Variants in PIK3R5 observed in about 807,000 individuals in gnomAD.
PIK3R5 encodes phosphoinositide-3-kinase regulatory subunit 5.
In PIK3R5, 32 loss-of-function variants were observed where a neutral mutation model predicts 94.9. That is an observed-to-expected ratio of 0.34 (90% confidence interval 0.25 to 0.45). The LOEUF (loss-of-function observed/expected upper bound fraction) is 0.45, where lower values mean the gene tolerates loss of function less well. PIK3R5 is among the 20% of genes least tolerant of loss of function. PIK3R5 has a pLI of 1.00. For synonymous variants in PIK3R5, 443 were observed against 479.4 expected (o/e 0.92, Z 0.99); for missense variants, 853 against 1,144.6 (o/e 0.75, Z 3.68).
rs759531408 is a variant in PIK3R5 at position 8,888,914 on chromosome 17, C to G, written c.896-23G>C. 6.3e-7 allele frequency: 1 copy of G among 1,579,920 alleles called. No individual in the cohort carries two copies. The highest frequency in any genetic ancestry group is 1.1e-5 in the South Asian group (1 of 88,242). ...TGTCTGCAGGGAAGCAAGGCCAGCACTGTCTGGGCGTCTGGGCCCCGGATC... is the reference window on the plus strand; with the variant it reads ...TGTCTGCAGGGAAGCAAGGCCAGCAGTGTCTGGGCGTCTGGGCCCCGGATC... On this transcript the variant is annotated intron_variant, in intron 9 of 18. Transcript: ENST00000447110. This position sits in a 1 kb window ranked among gnomAD's most constrained non-coding sequence, Gnocchi z 7.8.
rs1260425276 is a variant in PIK3R5, at chr17:8,911,107, G to A, written c.103+285C>T. Among the ~76,000 whole-genome samples, 1 of 152,210 alleles carries A rather than the reference G, an allele frequency of 6.6e-6. No homozygotes were observed. The highest frequency in any genetic ancestry group is 1.9e-4 in the East Asian group (1 of 5,192). On this transcript the variant is annotated intron_variant, in intron 2 of 18. Coordinates refer to ENST00000447110, the MANE Select transcript of PIK3R5 (RefSeq NM_001142633.3). This position sits in a 1 kb window ranked among gnomAD's most constrained non-coding sequence, Gnocchi z 5.3. ...TGCTTTTTCAGAATCAGCAGTTGTG[G>A]TTTTCTAAGCAGATTCGATGGATTC...
intron 1 of PIK3R5, among the ~76,000 whole-genome samples, chr17:8,942,125 T>C (rs1378322786): frequency 6.6e-6 from 1 of 151,964 alleles, no homozygotes; most frequent in Non-Finnish European, 1.5e-5. Flanking sequence ...CTCCAGCTTC[T>C]CTCCCTTCCA....
chr17:8,934,620 G>C (rs1479661542), intron 1 of PIK3R5, among the ~76,000 whole-genome samples: 2 of 152,162 alleles, frequency 1.3e-5, no homozygotes, highest in Admixed American at 1.3e-4. Flanking sequence ...TTGGGAAAAG[G>C]ACAAAGTTGG....
intron 3 of PIK3R5, among the ~76,000 whole-genome samples, chr17:8,907,632 A>C (rs1274293350): frequency 6.6e-6 from 1 of 151,494 alleles, no homozygotes; most frequent in East Asian, 1.9e-4. Context: ...TTTTAACAAA[A>C]AAAAAAAAAA....
rs1384429683 is a variant in PIK3R5, at chr17:8,938,187, T to C, written c.-13-26680A>G. ...GAAACTTTTTTGTTTTGGAAGATTA[T>C]TGATTCAATTTATTTAATAGATATA... On this transcript the variant is annotated intron_variant, in intron 1 of 18. Transcript: ENST00000447110. Among the ~76,000 whole-genome samples, 6 of 152,346 alleles carry C rather than the reference T, an allele frequency of 3.9e-5. No individual in the cohort carries two copies. The East Asian group carries it at 1.2e-3, about 29-fold the overall frequency.
intron 1 of PIK3R5, among the ~76,000 whole-genome samples, chr17:8,965,093 C>T (rs2091644602): frequency 6.6e-6 from 1 of 152,208 alleles, no homozygotes; most frequent in African/African-American, 2.4e-5. Flanking sequence ...GCGTGCAGTT[C>T]TCTAGGACAG....
In PIK3R5 at chr17:8,880,880, C is replaced by A. The variant is rs1471033356; in HGVS notation, c.2495+25G>T. 2.5e-6 allele frequency: 4 copies of A among 1,612,890 alleles called. No homozygotes were observed. In the South Asian group the frequency reaches 4.4e-5, roughly 18 times the overall value. On this transcript the variant is annotated intron_variant, in intron 18 of 18. Coordinates refer to ENST00000447110, the MANE Select transcript of PIK3R5 (RefSeq NM_001142633.3). Reference sequence around the variant, plus strand: ...GGTTGGTGGGAGCAGAAACTGCTCCCCTCCCTAGGACCCCCCTTTCCTACC... The same window carrying A: ...GGTTGGTGGGAGCAGAAACTGCTCCACTCCCTAGGACCCCCCTTTCCTACC...
intron 3 of PIK3R5, among the ~76,000 whole-genome samples, chr17:8,907,459 A>C (rs1002451639): frequency 6.6e-6 from 1 of 152,174 alleles, no homozygotes; most frequent in Non-Finnish European, 1.5e-5. Flanking sequence ...GGAGTTCAAG[A>C]AGTGGAGTCA....
At chr17:8,914,888 C>CT in intron 1 of PIK3R5, among the ~76,000 whole-genome samples, 1 of 152,250 alleles carries the variant, frequency 6.6e-6, no homozygotes. Context: ...CAGAAGGAGG[C>CT]TGAAGGCTGG....
chr17:8,963,811 A>G (rs1385148759), intron 1 of PIK3R5, among the ~76,000 whole-genome samples: 2 of 152,056 alleles, frequency 1.3e-5, no homozygotes, highest in African/African-American at 4.8e-5. Context: ...GCTAGAGATG[A>G]AAGGAGGGAG....
At chr17:8,899,309 C>T (rs1422131344) in intron 5 of PIK3R5, among the ~76,000 whole-genome samples, 1 of 152,200 alleles carries the variant, frequency 6.6e-6, no homozygotes. Flanking sequence ...TCATTCATTT[C>T]CATGGCAACT....
At chr17:8,920,737 T>C (rs2090724667) in intron 1 of PIK3R5, among the ~76,000 whole-genome samples, 4 of 152,216 alleles carry the variant, frequency 2.6e-5, no homozygotes, top group Admixed American at 2.6e-4. Context: ...CCTATATAAT[T>C]TTTACAATTA....
chr17:8,883,355 G>A (rs537360365), intron 15 of PIK3R5, among the ~76,000 whole-genome samples: 3 of 152,298 alleles, frequency 2.0e-5, no homozygotes, highest in African/African-American at 7.2e-5. Flanking sequence ...GAAACAGGGC[G>A]AGACTATGTC....
chr17:8,895,794 G>T (rs1201264788), intron 5 of PIK3R5, among the ~76,000 whole-genome samples: 1 of 152,156 alleles, frequency 6.6e-6, no homozygotes, highest in Non-Finnish European at 1.5e-5. Context: ...TATTTAGGAG[G>T]ATACCTGTGC....
chr17:8,891,932 A>G (rs920870158), intron 6 of PIK3R5, among the ~76,000 whole-genome samples: 1 of 152,104 alleles, frequency 6.6e-6, no homozygotes, highest in African/African-American at 2.4e-5. Flanking sequence ...CATACCCCAA[A>G]TTAAAAGAAT....
rs182925044 is a variant in PIK3R5, at chr17:8,935,918, G to T, written c.-13-24411C>A. Among the ~76,000 whole-genome samples the T allele has an allele frequency of 3.5e-4, 54 of 152,206 alleles. No homozygotes were observed. Among genetic ancestry groups the T allele is most frequent in the Admixed American group, 1.2e-3 (18 of 15,308 alleles). On this transcript the variant is annotated intron_variant, in intron 1 of 18. Transcript: ENST00000447110. The surrounding 1 kb of genome is among the most constrained non-coding windows in gnomAD (Gnocchi z 4.5). ...AAATACAAAAAATTAGCCGGGCGTGGTGGCGGGCACCTGTAGTCCCAGCTA... is the reference window on the plus strand; with the variant it reads ...AAATACAAAAAATTAGCCGGGCGTGTTGGCGGGCACCTGTAGTCCCAGCTA...
At chr17:8,949,114 G>A (rs2091329701) in intron 1 of PIK3R5, among the ~76,000 whole-genome samples, 1 of 152,168 alleles carries the variant, frequency 6.6e-6, no homozygotes, top group African/African-American at 2.4e-5. Flanking sequence ...GGAAATGCTG[G>A]CAGTTCAGCC....
intron 1 of PIK3R5, among the ~76,000 whole-genome samples, chr17:8,924,385 CTG>C (rs1395314854): frequency 6.6e-6 from 1 of 151,916 alleles, no homozygotes; most frequent in African/African-American, 2.4e-5. Context: ...CTGACACAGG[CTG>C]CTCACTTTCT....
At chr17:8,905,882 G>T in intron 3 of PIK3R5, 145 bp from the exon 4 acceptor site, 1 of 444,726 alleles carries the variant, frequency 2.2e-6, no homozygotes, top group Non-Finnish European at 4.0e-6. Flanking sequence ...ACAAACATTT[G>T]GAAAATGGAT....
Sources: gnomAD v4.1 joint callset for allele counts (sites outside exome capture counted in the v4.1 genomes callset) on GRCh38, gnomAD v4.1.1 for gene constraint, Gnocchi (gnomAD v3.1) non-coding constraint, MANE v1.5 for transcripts, NCBI Gene and HGNC (gene_info 2026-07-23, HGNC 2026-07-21) for gene names.